NEK1: variants seen among roughly 807,000 people sequenced by gnomAD.
NEK1 encodes serine/threonine-protein kinase Nek1.
NEK1 carries 137 observed loss-of-function variants against 182.1 expected under a neutral mutation model. The ratio of observed to expected loss-of-function variants is 0.75; its 90% CI spans 0.65 to 0.87. The LOEUF (loss-of-function observed/expected upper bound fraction) is 0.87. Among genes scored for constraint, NEK1 ranks in the 40% least tolerant of loss-of-function variants. The probability of loss-of-function intolerance (pLI) is 0.00; values close to 1 mark genes in which losing one functional copy is unlikely to be tolerated. For missense variants in NEK1, 1,391 were observed against 1,494.4 expected (o/e 0.93, Z 1.14); for synonymous variants, 513 against 492.2 (o/e 1.04, Z -0.56).
chr4:169,492,887 A>T (rs1750375870), intron 23 of NEK1, among the ~76,000 whole-genome samples: 1 of 152,158 alleles, frequency 6.6e-6, no homozygotes, highest in Non-Finnish European at 1.5e-5. Flanking sequence ...GTGCAGCACT[A>T]ACCACTGAAG....
intron 35 of NEK1, among the ~76,000 whole-genome samples, chr4:169,397,944 C>T (rs371302429): frequency 1.3e-5 from 2 of 152,226 alleles, no homozygotes; most frequent in African/African-American, 2.4e-5. Context: ...TAAGGAGAAC[C>T]GCCTGGAGGT....
intron 18 of NEK1, among the ~76,000 whole-genome samples, chr4:169,553,191 A>T (rs959272832): frequency 7.2e-5 from 11 of 152,236 alleles, no homozygotes; most frequent in Non-Finnish European, 1.3e-4. Context: ...AACAGAGAGC[A>T]CAGAAATAGA....
intron 31 of NEK1, among the ~76,000 whole-genome samples, chr4:169,417,149 A>T (rs888754495): frequency 6.6e-6 from 1 of 152,230 alleles, no homozygotes; most frequent in Non-Finnish European, 1.5e-5. Flanking sequence ...AATGAGTCAC[A>T]GTTGAAAAGA....
At chr4:169,459,848 A>T (rs1743627778) in intron 27 of NEK1, among the ~76,000 whole-genome samples, 1 of 152,202 alleles carries the variant, frequency 6.6e-6, no homozygotes, top group African/African-American at 2.4e-5. Flanking sequence ...GGAGATAGTA[A>T]AATAATCAGT....
At chr4:169,557,533 A>C (rs1580748302) in intron 16 of NEK1, among the ~76,000 whole-genome samples, 1 of 152,108 alleles carries the variant, frequency 6.6e-6, no homozygotes, top group Non-Finnish European at 1.5e-5. Context: ...CTTTAAAAAA[A>C]CCATTTTCTG....
chr4:169,414,209 G>T (rs1579405568), intron 31 of NEK1, among the ~76,000 whole-genome samples: 1 of 152,030 alleles, frequency 6.6e-6, no homozygotes, highest in East Asian at 1.9e-4. Context: ...AACAATGCAA[G>T]GCTGTTTTCT....
intron 24 of NEK1, among the ~76,000 whole-genome samples, 158 bp downstream of exon 24, chr4:169,479,245 G>A (rs982818654): frequency 1.3e-5 from 2 of 151,972 alleles, no homozygotes; most frequent in African/African-American, 4.8e-5. Flanking sequence ...AAACAATGAG[G>A]CTCCAGTATT....
intron 26 of NEK1, among the ~76,000 whole-genome samples, chr4:169,465,402 T>C (rs755030176): frequency 2.0e-5 from 3 of 150,722 alleles, no homozygotes; most frequent in African/African-American, 7.3e-5. Flanking sequence ...GCTGAGGAGG[T>C]GGAAATGGGA....
intron 30 of NEK1, 128 bp from the exon 31 acceptor site, chr4:169,424,928 AAT>A (rs1302160181): frequency 1.1e-6 from 1 of 894,022 alleles, no homozygotes; most frequent in Non-Finnish European, 1.6e-6. Flanking sequence ...ATAAAATCAA[AAT>A]ATGTGTGTCA....
intron 23 of NEK1, among the ~76,000 whole-genome samples, chr4:169,497,240 T>C (rs1170387382): frequency 2.6e-5 from 4 of 152,180 alleles, no homozygotes; most frequent in Non-Finnish European, 4.4e-5. Flanking sequence ...TCTGTGGGAT[T>C]GGTGGTGATA....
intron 16 of NEK1, among the ~76,000 whole-genome samples, chr4:169,556,735 C>G (rs898886976): frequency 7.8e-5 from 9 of 115,200 alleles, no homozygotes; most frequent in African/African-American, 3.4e-4. Context: ...ATCCACAAAA[C>G]AGTAAAAAAA....
chr4:169,572,735 TGAA>T (rs1203813662), intron 12 of NEK1, among the ~76,000 whole-genome samples: 3 of 151,800 alleles, frequency 2.0e-5, no homozygotes, highest in Non-Finnish European at 4.4e-5. Context: ...GGGACTCAAA[TGAA>T]GAAAATATTT....
intron 23 of NEK1, among the ~76,000 whole-genome samples, chr4:169,505,202 TA>T (rs941644716): frequency 6.6e-6 from 1 of 151,702 alleles, no homozygotes; most frequent in Non-Finnish European, 1.5e-5. Flanking sequence ...TTGTAAGGAT[TA>T]AAAAAAACAA....
At chr4:169,465,918 C>G (rs1744835296) in intron 26 of NEK1, among the ~76,000 whole-genome samples, 1 of 151,828 alleles carries the variant, frequency 6.6e-6, no homozygotes, top group Non-Finnish European at 1.5e-5. Flanking sequence ...ATACATAGCA[C>G]AAATATTAAA....
chr4:169,487,623 T>C (rs995896329), intron 23 of NEK1, among the ~76,000 whole-genome samples: 3 of 152,246 alleles, frequency 2.0e-5, no homozygotes, highest in Admixed American at 2.0e-4. Context: ...GCAATGAACA[T>C]ACGCATGCAT....
chr4:169,396,006 TACATAAAC>T (rs906091792), intron 35 of NEK1, among the ~76,000 whole-genome samples: 1 of 152,162 alleles, frequency 6.6e-6, no homozygotes, highest in African/African-American at 2.4e-5. Flanking sequence ...ACAATTTCAT[TACATAAAC>T]GCAGCCCAAT....
intron 31 of NEK1, among the ~76,000 whole-genome samples, chr4:169,413,739 A>G (rs549472042): frequency 6.6e-6 from 1 of 152,336 alleles, no homozygotes; most frequent in African/African-American, 2.4e-5. Flanking sequence ...ATTAATGGCC[A>G]GGTGCGATGG....
intron 27 of NEK1, among the ~76,000 whole-genome samples, chr4:169,453,720 G>T (rs77869623): frequency 0.11 from 16,819 of 152,178 alleles, 1,021 homozygotes; most frequent in East Asian, 0.17. Flanking sequence ...TTCCCATAAG[G>T]GATATTTTTA....
intron 18 of NEK1, among the ~76,000 whole-genome samples, chr4:169,542,270 G>T: frequency 6.6e-6 from 1 of 152,144 alleles, no homozygotes; most frequent in Admixed American, 6.5e-5. Context: ...GTGTTTGGTT[G>T]TCTGTTCTTG....
Sources: gnomAD v4.1 joint callset for allele counts (sites outside exome capture counted in the v4.1 genomes callset) on GRCh38, gnomAD v4.1.1 for gene constraint, MANE v1.5 for transcripts, NCBI Gene and HGNC (gene_info 2026-07-23, HGNC 2026-07-21) for gene names.